LTBP1: variants seen among roughly 807,000 people sequenced by gnomAD.
LTBP1 encodes the protein latent-transforming growth factor beta-binding protein 1.
A neutral mutation model predicts 207.6 loss-of-function variants in LTBP1; 129 were observed. That is an observed-to-expected ratio of 0.62 (90% confidence interval 0.54 to 0.72). The LOEUF (loss-of-function observed/expected upper bound fraction) is 0.72. Among genes scored for constraint, LTBP1 ranks in the 30% least tolerant of loss-of-function variants. The pLI is 0.00. For synonymous variants in LTBP1, 963 were observed against 833.7 expected, an observed-to-expected ratio of 1.16 and a Z score of -2.67; for missense variants, 2,281 against 2,217.2, an observed-to-expected ratio of 1.03 and a Z score of -0.58.
chr2:33,209,096 C>G (rs894855457), intron 7 of LTBP1, among the ~76,000 whole-genome samples: 1 of 152,070 alleles, frequency 6.6e-6, no homozygotes, highest in Admixed American at 6.5e-5. Flanking sequence ...TGGTTTCGAA[C>G]TCCTGACCTC....
chr2:33,165,498 C>A (rs2084835523), intron 5 of LTBP1, among the ~76,000 whole-genome samples: 3 of 152,146 alleles, frequency 2.0e-5, no homozygotes, highest in Non-Finnish European at 4.4e-5. Flanking sequence ...ATATATCAGG[C>A]CTTTCATTTT....
chr2:33,273,729 C>G lies in LTBP1; in HGVS notation c.2691C>G (p.Thr897=). ...GHCINLPVRY[T]CICYEGYRFS... ...GCATTAACCTACCAGTGAGATATAC[C>G]TGTATATGCTACGAGGGCTACAGGT... Residue 897 remains threonine, a synonymous_variant, in exon 16 of 34, where the codon ACC becomes ACG. Transcript: ENST00000404816. The G allele has an allele frequency of 6.2e-7, 1 of 1,611,862 alleles. No individual in the cohort carries two copies. Among genetic ancestry groups the G allele is most frequent in the Non-Finnish European group, 8.5e-7 (1 of 1,178,746 alleles).
intron 1 of LTBP1, 127 bp downstream of exon 1, chr2:32,947,945 C>A: frequency 1.4e-6 from 1 of 734,250 alleles, no homozygotes; most frequent in Non-Finnish European, 1.9e-6. Flanking sequence ...GGTCGGCTTT[C>A]TCCTCCCGCC....
intron 22 of LTBP1, among the ~76,000 whole-genome samples, chr2:33,308,041 A>C (rs1377161139): frequency 2.0e-5 from 3 of 152,262 alleles, no homozygotes; most frequent in African/African-American, 4.8e-5. Flanking sequence ...GGCAGCAATT[A>C]CAATTATTTG....
chr2:33,118,044 C>T (rs781010489), intron 4 of LTBP1, among the ~76,000 whole-genome samples: 5 of 152,082 alleles, frequency 3.3e-5, no homozygotes, highest in African/African-American at 4.8e-5. Flanking sequence ...GAGACATCCT[C>T]GCTGATAGGT....
intron 7 of LTBP1, among the ~76,000 whole-genome samples, chr2:33,211,855 A>T (rs746470998): frequency 3.9e-5 from 6 of 152,228 alleles, no homozygotes; most frequent in Non-Finnish European, 8.8e-5. Context: ...TAAGTTTTGA[A>T]CTATCTTTCC....
At chr2:33,292,999 A>G (rs560309285) in intron 19 of LTBP1, among the ~76,000 whole-genome samples, 161 bp from the exon 20 acceptor site, 1 of 152,360 alleles carries the variant, frequency 6.6e-6, no homozygotes. Flanking sequence ...TTAGCTCACG[A>G]CAAGCTGCTT....
intron 2 of LTBP1, among the ~76,000 whole-genome samples, chr2:32,960,833 G>C (rs1678987261): frequency 6.6e-6 from 1 of 152,200 alleles, no homozygotes; most frequent in Non-Finnish European, 1.5e-5. Context: ...GGCCTGGCTT[G>C]TTGTGGGAAC....
At chr2:33,072,147 C>T (rs1287544704) in intron 3 of LTBP1, among the ~76,000 whole-genome samples, 3 of 152,122 alleles carry the variant, frequency 2.0e-5, no homozygotes, top group Admixed American at 1.3e-4. Flanking sequence ...TTTGCTAGAG[C>T]GGCTCACAGA....
intron 26 of LTBP1, among the ~76,000 whole-genome samples, chr2:33,355,372 T>C (rs955029874): frequency 7.9e-5 from 12 of 152,196 alleles, no homozygotes; most frequent in African/African-American, 2.7e-4. Flanking sequence ...CAACACGGCG[T>C]AGTATTTACA....
chr2:33,140,959 C>T (rs756549080), intron 5 of LTBP1, among the ~76,000 whole-genome samples: 14 of 152,196 alleles, frequency 9.2e-5, no homozygotes, highest in Non-Finnish European at 1.6e-4. Flanking sequence ...CCACCACGCC[C>T]GGTCTTTTCC....
intron 2 of LTBP1, among the ~76,000 whole-genome samples, chr2:32,968,313 G>A (rs78782006): frequency 0.044 from 6,748 of 152,184 alleles, 222 homozygotes; most frequent in Non-Finnish European, 0.072. Flanking sequence ...CATTAGGTGC[G>A]TACACATTAA....
At chr2:33,308,463 C>T (rs2094132405) in intron 22 of LTBP1, among the ~76,000 whole-genome samples, 1 of 152,130 alleles carries the variant, frequency 6.6e-6, no homozygotes, top group Non-Finnish European at 1.5e-5. Flanking sequence ...GTTCAAAAGT[C>T]CCTCTTCTTC....
intron 5 of LTBP1, among the ~76,000 whole-genome samples, chr2:33,154,996 G>T (rs1247693935): frequency 6.6e-6 from 1 of 152,148 alleles, no homozygotes; most frequent in East Asian, 1.9e-4. Context: ...CTGGGAGGTG[G>T]AGGACGCAGT....
At chr2:33,095,961 G>A (rs2079362366) in intron 3 of LTBP1, among the ~76,000 whole-genome samples, 1 of 152,066 alleles carries the variant, frequency 6.6e-6, no homozygotes, top group Non-Finnish European at 1.5e-5. Context: ...CAAGAAAAAT[G>A]TTTAAAGAGA....
chr2:33,212,868 A>G (rs142049797), intron 7 of LTBP1, among the ~76,000 whole-genome samples: 204 of 152,344 alleles, frequency 1.3e-3, no homozygotes, highest in Middle Eastern at 6.8e-3. Flanking sequence ...CTCAACTGGT[A>G]TTTTCAAATA....
At chr2:33,219,750 C>A (rs759939101) in intron 8 of LTBP1, among the ~76,000 whole-genome samples, 1 of 152,062 alleles carries the variant, frequency 6.6e-6, no homozygotes, top group Non-Finnish European at 1.5e-5. Context: ...TCATTTACCC[C>A]CTTCTTTGTG....
At chr2:33,373,626 A>T (rs1450399715) in intron 31 of LTBP1, among the ~76,000 whole-genome samples, 2 of 152,170 alleles carry the variant, frequency 1.3e-5, no homozygotes, top group African/African-American at 4.8e-5. Context: ...CTGTATATAA[A>T]TTATATACAG....
chr2:32,959,597 G>GTATATATATATA (rs71407487), intron 2 of LTBP1, among the ~76,000 whole-genome samples: 3 of 58,340 alleles, frequency 5.1e-5, no homozygotes, highest in African/African-American at 1.8e-4. Context: ...ATATGTACGT[G>GTATATATATATA]TATATATATA....
Sources: allele counts gnomAD v4.1 joint callset (sites outside exome capture counted in the v4.1 genomes callset), GRCh38; gene constraint gnomAD v4.1.1; transcripts MANE v1.5; gene names NCBI Gene and HGNC (gene_info 2026-07-23, HGNC 2026-07-21).